Variants in COL14A1 observed in about 807,000 individuals in gnomAD.
The protein encoded by COL14A1 is collagen alpha-1(XIV) chain.
COL14A1 carries 136 observed loss-of-function variants against 230.3 expected under a neutral mutation model. That is an observed-to-expected ratio of 0.59 (90% CI 0.51 to 0.68). The LOEUF is 0.68. Ranked by LOEUF, COL14A1 falls within the 30% of genes least tolerant of loss-of-function variation. The probability of loss-of-function intolerance (pLI) is 0.00; values close to 1 mark genes in which losing one functional copy is unlikely to be tolerated. For missense variants in COL14A1, 1,976 were observed against 2,215.8 expected (o/e 0.89, Z 2.17); for synonymous variants, 792 against 784.1 (o/e 1.01, Z -0.17).
intron 42 of COL14A1, among the ~76,000 whole-genome samples, chr8:120,334,264 T>G (rs116393019): frequency 0.057 from 8,646 of 152,258 alleles, 369 homozygotes; most frequent in African/African-American, 0.11. Context: ...CCCATACAGG[T>G]TATGCACATA....
chr8:120,202,989 AATATATAT>A (rs201356550), intron 8 of COL14A1, among the ~76,000 whole-genome samples: 34 of 106,550 alleles, frequency 3.2e-4, no homozygotes, highest in African/African-American at 6.4e-4. Flanking sequence ...AATAATTTCA[AATATATAT>A]ATATATATAT....
At chr8:120,239,450 A>C (rs946096481) in intron 19 of COL14A1, among the ~76,000 whole-genome samples, 3 of 152,200 alleles carry the variant, frequency 2.0e-5, no homozygotes, top group African/African-American at 7.2e-5. Flanking sequence ...ATTTGACCCC[A>C]GAATCCTTTA....
At chr8:120,141,000 A>C (rs1814888774) in intron 1 of COL14A1, among the ~76,000 whole-genome samples, 1 of 152,226 alleles carries the variant, frequency 6.6e-6, no homozygotes, top group Non-Finnish European at 1.5e-5. Flanking sequence ...GACGTTTTTA[A>C]ACAAGAGCAA....
intron 9 of COL14A1, among the ~76,000 whole-genome samples, chr8:120,205,800 T>C (rs1290415386): frequency 6.6e-6 from 1 of 152,180 alleles, no homozygotes; most frequent in Non-Finnish European, 1.5e-5. Flanking sequence ...TTCCTGCCCA[T>C]AGTTTGTGTT....
chr8:120,314,279 A>G (rs1410301143), intron 38 of COL14A1, among the ~76,000 whole-genome samples: 1 of 152,220 alleles, frequency 6.6e-6, no homozygotes, highest in Non-Finnish European at 1.5e-5. Context: ...TAGAGGAAGA[A>G]CAAAGCTTAG....
chr8:120,332,553 G>C (rs1405387899), intron 41 of COL14A1, 111 bp from the exon 42 acceptor site: 2 of 875,672 alleles, frequency 2.3e-6, no homozygotes, highest in Non-Finnish European at 3.6e-6. Context: ...TGGTGATGAG[G>C]GGGAGGGAAG....
At position 120,199,485 on chromosome 8, in the gene COL14A1, A is replaced by T. The variant is rs1817155727; in HGVS notation, c.796A>T (p.Ile266Phe). 6.2e-7 allele frequency: 1 copy of T among 1,612,950 alleles called. No homozygotes were observed. Among genetic ancestry groups the T allele is most frequent in the South Asian group, 1.1e-5 (1 of 90,718 alleles). Residue 266 changes from isoleucine to phenylalanine, a missense_variant, in exon 8 of 48, where the codon ATC becomes TTC. This residue lies in a region of COL14A1 where 1,791 missense variants were observed against 2,019.5 expected (regional missense o/e 0.89). Transcript: ENST00000297848. ...RTGVSKIGIL[I>F]TDGKSQDDII... ...TGGAGTATCCAAAATTGGCATTTTA[A>T]TCACAGATGGAAAATCCCAAGATGA... is the stretch of plus-strand genomic sequence containing the variant.
chr8:120,150,052 T>A (rs1467601795), intron 2 of COL14A1, among the ~76,000 whole-genome samples: 3 of 152,188 alleles, frequency 2.0e-5, no homozygotes, highest in Admixed American at 2.0e-4. Context: ...AAGTTCAAGA[T>A]ACAAAGCTAA....
At chr8:120,260,438 A>G (rs1819287267) in intron 23 of COL14A1, among the ~76,000 whole-genome samples, 1 of 152,114 alleles carries the variant, frequency 6.6e-6, no homozygotes, top group South Asian at 2.1e-4. Flanking sequence ...TATATTGTAG[A>G]TTCTGTTTAT....
intron 9 of COL14A1, among the ~76,000 whole-genome samples, 179 bp from the exon 10 acceptor site, chr8:120,206,764 G>C (rs935540905): frequency 6.6e-6 from 1 of 152,120 alleles, no homozygotes; most frequent in Non-Finnish European, 1.5e-5. Context: ...ATAGTACCTG[G>C]CACCTAATAG....
intron 25 of COL14A1, among the ~76,000 whole-genome samples, chr8:120,268,296 C>T (rs1012470830): frequency 1.3e-5 from 2 of 151,722 alleles, no homozygotes; most frequent in Non-Finnish European, 3.0e-5. Context: ...TCTTTAGTCT[C>T]AACATCTGTG....
At chr8:120,216,760 G>A (rs1817763648) in intron 14 of COL14A1, among the ~76,000 whole-genome samples, 1 of 152,144 alleles carries the variant, frequency 6.6e-6, no homozygotes, top group Non-Finnish European at 1.5e-5. Flanking sequence ...CCTGGTCTGG[G>A]GAGCCTGGAA....
intron 7 of COL14A1, among the ~76,000 whole-genome samples, chr8:120,198,323 A>G (rs974040845): frequency 6.6e-6 from 1 of 152,198 alleles, no homozygotes; most frequent in Non-Finnish European, 1.5e-5. Context: ...TTATTCTGCA[A>G]TCATTAGTTA....
rs1453927462 is a variant in COL14A1 at position 120,225,101 on chromosome 8, C to T, written c.1751C>T (p.Pro584Leu). Reference protein sequence around the residue: ...GTEINEVEVDPITTFPLKGLT... With the variant: ...GTEINEVEVDLITTFPLKGLT... ...TTTCTTTGACAGGTTGAAGTCGATC[C>T]TATTACTACCTTCCCTCTGAAGGGC... is the stretch of plus-strand genomic sequence containing the variant. The change falls in exon 15 of 48, where the codon CCT becomes CTT. Residue 584 changes from proline to leucine, a missense_variant. By Grantham distance (98) the Pro-to-Leu change is moderately conservative. Around this residue, in one of 3 missense-constraint regions of COL14A1, gnomAD observed 1,791 missense variants for 2,019.5 expected, o/e 0.89. Transcript: ENST00000297848. 1 of 1,611,132 alleles carries T rather than the reference C, an allele frequency of 6.2e-7. No individual in the cohort carries two copies. Among genetic ancestry groups the T allele is most frequent in the Admixed American group, 1.7e-5 (1 of 59,686 alleles).
intron 38 of COL14A1, among the ~76,000 whole-genome samples, chr8:120,315,275 C>G (rs528583498): frequency 6.7e-6 from 1 of 149,072 alleles, no homozygotes; most frequent in South Asian, 2.1e-4. Context: ...GAGGCTGAGG[C>G]AGGAGAATAG....
At chr8:120,239,328 A>T (rs1014129980) in intron 19 of COL14A1, among the ~76,000 whole-genome samples, 1 of 152,250 alleles carries the variant, frequency 6.6e-6, no homozygotes, top group African/African-American at 2.4e-5. Context: ...CTGGGAAAGA[A>T]GTCTACAAAA....
At chr8:120,281,181 A>G (rs1177966861) in intron 31 of COL14A1, 122 bp downstream of exon 31, 3 of 861,464 alleles carry the variant, frequency 3.5e-6, no homozygotes, top group Middle Eastern at 3.8e-4. Flanking sequence ...CATTTAGAGT[A>G]GAAGATATTT....
intron 42 of COL14A1, among the ~76,000 whole-genome samples, chr8:120,335,591 T>C (rs1822032907): frequency 6.6e-6 from 1 of 152,092 alleles, no homozygotes; most frequent in Non-Finnish European, 1.5e-5. Context: ...TGATTTCCCA[T>C]GGATGTCTGT....
At position 120,270,160 on chromosome 8, in the gene COL14A1, A is replaced by C. The variant is rs376611725; in HGVS notation, c.3199A>C (p.Thr1067Pro). The change falls in exon 26 of 48, where the codon ACA becomes CCA. Residue 1067 changes from threonine (T) to proline (P), a missense_variant. By Grantham distance (38) the Thr-to-Pro change is conservative. Transcript: ENST00000297848. The part of the protein sequence containing the change: ...STVGALNKIG[T>P]DGTQVAMVQF... Reference sequence around the variant, plus strand: ...TGTTGGAGCCCTGAACAAGATTGGCACAGATGGAACCCAAGTAAGGCTAAT... The same window carrying C: ...TGTTGGAGCCCTGAACAAGATTGGCCCAGATGGAACCCAAGTAAGGCTAAT... 5.6e-6 allele frequency: 9 copies of C among 1,610,692 alleles called. No individual in the cohort carries two copies. The highest frequency in any genetic ancestry group is 7.6e-6 in the Non-Finnish European group (9 of 1,177,958).
Sources: allele counts gnomAD v4.1 joint callset (sites outside exome capture counted in the v4.1 genomes callset), GRCh38; gene constraint gnomAD v4.1.1; regional missense constraint gnomAD v4.1.1; transcripts MANE v1.5; gene names NCBI Gene and HGNC (gene_info 2026-07-23, HGNC 2026-07-21).